VWA8: variants seen among roughly 807,000 people sequenced by gnomAD.
VWA8 encodes von Willebrand factor A domain-containing protein 8.
VWA8 carries 221 observed loss-of-function variants against 241.5 expected under a neutral mutation model. That is an observed-to-expected ratio of 0.91 (90% CI 0.82 to 1.02). The LOEUF is 1.02. Among genes scored for constraint, VWA8 ranks in the 50% least tolerant of loss-of-function variants. The probability of loss-of-function intolerance (pLI) is 0.00; values close to 1 mark genes in which losing one functional copy is unlikely to be tolerated. For missense variants in VWA8, 2,322 were observed against 2,328.7 expected (o/e 1.00, Z 0.06); for synonymous variants, 852 against 827.1 (o/e 1.03, Z -0.52).
intron 4 of VWA8, among the ~76,000 whole-genome samples, chr13:41,893,988 A>G (rs1165082544): frequency 1.7e-4 from 26 of 152,352 alleles, no homozygotes; most frequent in African/African-American, 6.3e-4. Flanking sequence ...AAAGAAATTA[A>G]TTGTTATCAT....
intron 37 of VWA8, among the ~76,000 whole-genome samples, chr13:41,615,426 G>C (rs921622402): frequency 6.6e-6 from 1 of 152,196 alleles, no homozygotes; most frequent in Admixed American, 6.5e-5. Flanking sequence ...TCACTGGAGA[G>C]GGGTATTTTG....
chr13:41,867,916 C>T (rs1428703749), intron 10 of VWA8, among the ~76,000 whole-genome samples: 1 of 152,102 alleles, frequency 6.6e-6, no homozygotes, highest in Non-Finnish European at 1.5e-5. Context: ...TATATACATG[C>T]AGATGGAGCT....
chr13:41,787,813 T>C (rs1869275199), intron 17 of VWA8, among the ~76,000 whole-genome samples: 1 of 152,164 alleles, frequency 6.6e-6, no homozygotes, highest in African/African-American at 2.4e-5. Context: ...TACAACACTT[T>C]GCAAAATAAA....
intron 37 of VWA8, among the ~76,000 whole-genome samples, chr13:41,647,092 T>C (rs1292252628): frequency 1.3e-5 from 2 of 152,230 alleles, no homozygotes; most frequent in African/African-American, 4.8e-5. Flanking sequence ...TTTCCTCACA[T>C]ATTACACACA....
At chr13:41,787,672 T>G in intron 17 of VWA8, 129 bp from the exon 18 acceptor site, 1 of 630,158 alleles carries the variant, frequency 1.6e-6, no homozygotes. Context: ...GGAAGATCAG[T>G]CTGGATCTGT....
chr13:41,592,470 TAAAAA>T (rs961701969), intron 40 of VWA8, among the ~76,000 whole-genome samples: 1 of 119,088 alleles, frequency 8.4e-6, no homozygotes, highest in Admixed American at 8.6e-5. Flanking sequence ...AGTATAATAA[TAAAAA>T]AAATAAAATA....
intron 9 of VWA8, among the ~76,000 whole-genome samples, chr13:41,878,564 C>T (rs1316954551): frequency 6.6e-6 from 1 of 152,066 alleles, no homozygotes; most frequent in African/African-American, 2.4e-5. Flanking sequence ...TCCCACTTGA[C>T]AGTTTACTGA....
intron 37 of VWA8, among the ~76,000 whole-genome samples, chr13:41,635,050 TA>T (rs2044748411): frequency 6.6e-6 from 1 of 152,144 alleles, no homozygotes; most frequent in Non-Finnish European, 1.5e-5. Flanking sequence ...TTTCTTCACC[TA>T]AAAAAATGAG....
intron 4 of VWA8, among the ~76,000 whole-genome samples, chr13:41,902,491 C>T (rs1038668531): frequency 3.3e-5 from 5 of 152,110 alleles, no homozygotes; most frequent in Non-Finnish European, 5.9e-5. Flanking sequence ...TTGGTTTCCC[C>T]AACTAAAACA....
intron 37 of VWA8, among the ~76,000 whole-genome samples, chr13:41,657,316 T>G (rs1398473103): frequency 6.6e-6 from 1 of 151,996 alleles, no homozygotes; most frequent in African/African-American, 2.4e-5. Flanking sequence ...CTTCTAGGTT[T>G]CTGAGCCAAT....
chr13:41,931,172 A>G (rs1355969177), intron 2 of VWA8, among the ~76,000 whole-genome samples: 2 of 150,334 alleles, frequency 1.3e-5, no homozygotes, highest in African/African-American at 4.9e-5. Context: ...AAAAAAAAAA[A>G]GAATATTTAT....
chr13:41,865,275 A>G, intron 12 of VWA8: 1 of 372,758 alleles, frequency 2.7e-6, no homozygotes, highest in Non-Finnish European at 5.2e-6. Flanking sequence ...TAGGGTAATT[A>G]AGGTGTCAAT....
At chr13:41,576,155 G>A (rs980040504) in intron 42 of VWA8, among the ~76,000 whole-genome samples, 1 of 152,312 alleles carries the variant, frequency 6.6e-6, no homozygotes, top group South Asian at 2.1e-4. Context: ...ACATACTCTT[G>A]TGTTGTAGAG....
intron 26 of VWA8, among the ~76,000 whole-genome samples, chr13:41,717,270 GT>G (rs1212202838): frequency 6.6e-6 from 1 of 151,266 alleles, no homozygotes; most frequent in African/African-American, 2.4e-5. Flanking sequence ...TTCTCCCAGT[GT>G]ACTTCCTTAA....
intron 26 of VWA8, among the ~76,000 whole-genome samples, chr13:41,716,958 C>A (rs554710940): frequency 4.4e-4 from 67 of 151,296 alleles, no homozygotes; most frequent in African/African-American, 1.6e-3. Context: ...TATGTGATTA[C>A]CATCAACAGT....
intron 12 of VWA8, among the ~76,000 whole-genome samples, chr13:41,837,481 C>T (rs930070456): frequency 2.0e-5 from 3 of 152,056 alleles, no homozygotes; most frequent in Non-Finnish European, 4.4e-5. Context: ...ATTAATAAAA[C>T]TTTTCAGCAT....
chr13:41,933,693 A>C (rs1425907201), intron 2 of VWA8, among the ~76,000 whole-genome samples: 1 of 152,060 alleles, frequency 6.6e-6, no homozygotes, highest in Non-Finnish European at 1.5e-5. Flanking sequence ...CATAACTACA[A>C]AGGCAATTCA....
chr13:41,769,447 G>T (rs1409580500), intron 20 of VWA8, among the ~76,000 whole-genome samples: 1 of 152,178 alleles, frequency 6.6e-6, no homozygotes, highest in Admixed American at 6.5e-5. Context: ...TTGAGGCTGG[G>T]TGATGAATAC....
intron 9 of VWA8, among the ~76,000 whole-genome samples, chr13:41,879,382 T>TAC (rs3073827): frequency 0.1 from 14,421 of 140,704 alleles, 852 homozygotes; most frequent in African/African-American, 0.18. Flanking sequence ...CATACACACA[T>TAC]ACACACACAC....
Sources: allele counts gnomAD v4.1 joint callset (sites outside exome capture counted in the v4.1 genomes callset), GRCh38; gene constraint gnomAD v4.1.1; transcripts MANE v1.5; gene names NCBI Gene and HGNC (gene_info 2026-07-23, HGNC 2026-07-21).